The following ZFP91 variants were observed in gnomAD, a reference collection of about 807,000 sequenced individuals.
ZFP91 encodes the protein E3 ubiquitin-protein ligase ZFP91.
In ZFP91, 7 loss-of-function variants were observed where a neutral mutation model predicts 63.5. That is an observed-to-expected ratio of 0.11 (90% CI 0.06 to 0.21). The LOEUF is 0.21. Among genes scored for constraint, ZFP91 ranks in the 10% least tolerant of loss-of-function variants. The pLI is 1.00. For missense variants in ZFP91, 628 were observed against 736.6 expected (o/e 0.85, Z 1.71); for synonymous variants, 330 against 272.1 (o/e 1.21, Z -2.10).
chr11:58,612,237 G>C (rs1393495662), intron 6 of ZFP91, 41 bp from the exon 7 acceptor site: 3 of 1,606,012 alleles, frequency 1.9e-6, no homozygotes, highest in Non-Finnish European at 2.6e-6. Flanking sequence ...GTGTAGTTTT[G>C]ATTCAGAATA....
At chr11:58,598,403 T>A (rs34373864) in intron 2 of ZFP91, among the ~76,000 whole-genome samples, 5,297 of 152,206 alleles carry the variant, frequency 0.035, 131 homozygotes, top group Non-Finnish European at 0.055. Flanking sequence ...TCTTACATAT[T>A]TTAAAAAACT....
At chr11:58,581,226 TTAATATTAC>T (rs1257099844) in intron 1 of ZFP91, among the ~76,000 whole-genome samples, 4 of 144,864 alleles carry the variant, frequency 2.8e-5, no homozygotes, top group African/African-American at 9.8e-5. Context: ...TTTTCACTCT[TTAATATTAC>T]TATTCGTAGA....
intron 2 of ZFP91, among the ~76,000 whole-genome samples, chr11:58,606,475 ATTGTCTTTAG>A (rs1431302706): frequency 2.6e-5 from 4 of 151,730 alleles, no homozygotes; most frequent in African/African-American, 4.8e-5. Context: ...TTTAGCTCTG[ATTGTCTTTAG>A]TTCTTTAAAC....
chr11:58,609,664 A>C (rs966205556), intron 2 of ZFP91, among the ~76,000 whole-genome samples, 166 bp from the exon 3 acceptor site: 1 of 152,202 alleles, frequency 6.6e-6, no homozygotes, highest in Non-Finnish European at 1.5e-5. Flanking sequence ...ATTAAGGATA[A>C]GTTTTATCTC....
At chr11:58,601,944 T>C (rs1037365523) in intron 2 of ZFP91, among the ~76,000 whole-genome samples, 2 of 152,070 alleles carry the variant, frequency 1.3e-5, no homozygotes, top group African/African-American at 4.8e-5. Context: ...TCCCCCAAGA[T>C]GGAGTCTCGT....
At position 58,621,292 on chromosome 11, in the gene ZFP91, A is replaced by G. The variant is rs1855848102; in HGVS notation, c.*3586A>G. Among the ~76,000 whole-genome samples the G allele has an allele frequency of 6.6e-6, 1 of 152,238 alleles. No individual in the cohort carries two copies. The highest frequency in any genetic ancestry group is 1.5e-5 in the Non-Finnish European group (1 of 68,046). Reference sequence around the variant, plus strand: ...ACTGCCTCCTAGGAAAACTGGCCATATGTTAATTAACCTAGTAGATGGAAA... The same window carrying G: ...ACTGCCTCCTAGGAAAACTGGCCATGTGTTAATTAACCTAGTAGATGGAAA... On this transcript the variant is annotated 3_prime_UTR_variant, in exon 11 of 11. Transcript: ENST00000316059.
At chr11:58,616,272 AGTTCTT>A (rs370289680) in intron 9 of ZFP91, among the ~76,000 whole-genome samples, 1 of 146,822 alleles carries the variant, frequency 6.8e-6, no homozygotes, top group South Asian at 2.2e-4. Flanking sequence ...TACAGTGCCA[AGTTCTT>A]GTTTTTTGTT....
chr11:58,617,560 A>G lies in ZFP91; in HGVS notation c.1567A>G (p.Thr523Ala). 6.2e-7 allele frequency: 1 copy of G among 1,613,422 alleles called. No individual in the cohort carries two copies. The highest frequency in any genetic ancestry group is 8.5e-7 in the Non-Finnish European group (1 of 1,179,716). ...GATGTCAAAGTCATACTGCAGTGGG[A>G]CGGAACGGGTGAGCCTGATGGCTGA... is the stretch of plus-strand genomic sequence containing the variant. ...EGMSKSYCSG[T>A]ERVSLMADGK... The change falls in exon 11 of 11, where the codon ACG becomes GCG. Residue 523 changes from threonine (T) to alanine (A), a missense_variant. Thr to Ala is a moderately conservative substitution (Grantham distance 58). Around this residue, in one of 3 missense-constraint regions of ZFP91, gnomAD observed 115 missense variants for 125.4 expected, o/e 0.92. Transcript: ENST00000316059. The surrounding 1 kb of genome is among the most constrained non-coding windows in gnomAD (Gnocchi z 4.2).
In ZFP91 at chr11:58,593,024, C is replaced by A. The variant is rs911782456; in HGVS notation, c.370+8140C>A. ...CTCACATGAAGCAATAGAGAACTCA[C>A]CTATTACCACAGGGATGGCACCAAG... On this transcript the variant is annotated intron_variant, in intron 2 of 10. Transcript: ENST00000316059. 4.6e-5 allele frequency among the ~76,000 whole-genome samples: 7 copies of A among 152,262 alleles called. No homozygotes were observed. In the South Asian group the frequency reaches 6.2e-4, roughly 14 times the overall value.
intron 2 of ZFP91, among the ~76,000 whole-genome samples, chr11:58,607,360 T>G (rs1164353329): frequency 6.6e-6 from 1 of 152,206 alleles, no homozygotes; most frequent in Non-Finnish European, 1.5e-5. Flanking sequence ...CTTGTGATTT[T>G]GAATAAGCTT....
Position 58,609,953 on chromosome 11 carries a change from C to G in ZFP91, c.494C>G (p.Thr165Arg), listed in dbSNP as rs766243551. 1.8e-5 allele frequency: 29 copies of G among 1,614,186 alleles called. No homozygotes were observed. In the East Asian group the frequency reaches 6.2e-4, roughly 35 times the overall value. ...ACATCTGTTTCTCGCCATCGTGATA[C>G]AGAGAACACCCGAAGCTCTCGGTCC... ...SRTSVSRHRD[T>R]ENTRSSRSKT... Residue 165 changes from threonine (T) to arginine (R), a missense_variant, in exon 3 of 11, where the codon ACA becomes AGA. Around this residue, in one of 3 missense-constraint regions of ZFP91, gnomAD observed 437 missense variants for 380.3 expected, o/e 1.15. Transcript: ENST00000316059.
At chr11:58,596,444 G>C (rs1855405287) in intron 2 of ZFP91, among the ~76,000 whole-genome samples, 2 of 152,150 alleles carry the variant, frequency 1.3e-5, no homozygotes, top group Admixed American at 1.3e-4. Flanking sequence ...ATCATAGAAG[G>C]GTTCCTGTCA....
chr11:58,590,231 A>T (rs983125739), intron 2 of ZFP91, among the ~76,000 whole-genome samples: 23 of 152,228 alleles, frequency 1.5e-4, no homozygotes, highest in Admixed American at 1.2e-3. Flanking sequence ...ACAAAAAGTA[A>T]TATTGCCCCT....
At position 58,619,545 on chromosome 11, in the gene ZFP91, C is replaced by A. The variant is rs1286496156; in HGVS notation, c.*1839C>A. 1.3e-5 allele frequency: 2 copies of A among 151,538 alleles called. No individual in the cohort carries two copies. Among genetic ancestry groups the A allele is most frequent in the African/African-American group, 2.4e-5 (1 of 41,154 alleles). 9.4% of individuals were successfully genotyped at this position (151,538 alleles called of 1,614,324 possible). A position where few individuals can be genotyped will look rare whatever the true frequency, so the allele number is the denominator to read the frequency against. The stretch of plus-strand genomic sequence containing the variant: ...GGCTTATCAATTTTTTCAAAGAATT[C>A]TTTTTTCCCAAAAAGAGGAGTAACA... On this transcript the variant is annotated 3_prime_UTR_variant, in exon 11 of 11. Coordinates refer to ENST00000316059, the MANE Select transcript of ZFP91 (RefSeq NM_053023.5).
At chr11:58,606,101 G>A (rs555931507) in intron 2 of ZFP91, among the ~76,000 whole-genome samples, 3 of 151,776 alleles carry the variant, frequency 2.0e-5, no homozygotes, top group South Asian at 2.1e-4. Context: ...CACTCTTGTC[G>A]CCTATGCTGG....
In ZFP91 at chr11:58,579,215, C is replaced by A; in HGVS notation, c.-67C>A. The A allele has an allele frequency of 7.7e-7, 1 of 1,293,248 alleles. No individual in the cohort carries two copies. The highest frequency in any genetic ancestry group is 1.0e-6 in the Non-Finnish European group (1 of 1,004,384). The allele number at this position is 1,293,248 out of a possible 1,614,324, so 80.1% of individuals were successfully genotyped here. The stretch of plus-strand genomic sequence containing the variant: ...TCGGGAGGCGAGGGGGCGGGGGGAG[C>A]AGCGCCGAGGCCGCCGCCTCCGCCT... On this transcript the variant is annotated 5_prime_UTR_variant, in exon 1 of 11. Transcript: ENST00000316059.
chr11:58,590,697 A>C (rs1393097686), intron 2 of ZFP91, among the ~76,000 whole-genome samples: 1 of 152,138 alleles, frequency 6.6e-6, no homozygotes, highest in African/African-American at 2.4e-5. Context: ...AGGTCTTTCA[A>C]ATTTTTTATC....
chr11:58,579,464 G>GGCCGCC lies in ZFP91; in HGVS notation c.192_197dup (p.Ala66_Ala67dup), dbSNP rs570278763. On this transcript the variant is annotated inframe_insertion, in exon 1 of 11. Coordinates refer to ENST00000316059, the MANE Select transcript of ZFP91 (RefSeq NM_053023.5). Reference sequence around the variant, plus strand: ...GTCGGGACCGAGGCCGGGCCGCTGCGGCCGCCGCCGCCGCAGCTGTGTCCC... The same window carrying GGCCGCC: ...GTCGGGACCGAGGCCGGGCCGCTGCGGCCGCCGCCGCCGCCGCCGCAGCTGTGTCCC... The GGCCGCC allele has an allele frequency of 1.1e-5, 16 of 1,460,954 alleles. No homozygotes were observed. The highest frequency in any genetic ancestry group is 3.0e-5 in the African/African-American group (2 of 67,064). 90.5% of individuals were successfully genotyped at this position (1,460,954 alleles called of 1,614,324 possible).
intron 2 of ZFP91, among the ~76,000 whole-genome samples, chr11:58,600,706 A>G (rs577157869): frequency 2.8e-4 from 42 of 152,150 alleles, no homozygotes; most frequent in Admixed American, 9.8e-4. Flanking sequence ...ATGGAAGTGA[A>G]GAATGAGGGC....
Sources: allele counts gnomAD v4.1 joint callset (sites outside exome capture counted in the v4.1 genomes callset), GRCh38; gene constraint gnomAD v4.1.1; regional missense constraint gnomAD v4.1.1; non-coding constraint Gnocchi (gnomAD v3.1); transcripts MANE v1.5; gene names NCBI Gene and HGNC (gene_info 2026-07-23, HGNC 2026-07-21).